EMG1: variants seen among roughly 807,000 people sequenced by gnomAD.
The protein encoded by EMG1 is EMG1 N1-specific pseudouridine methyltransferase.
In EMG1, 24 loss-of-function variants were observed where a neutral mutation model predicts 26.9. The ratio of observed to expected loss-of-function variants is 0.89; its 90% CI spans 0.65 to 1.26. The LOEUF is 1.26. EMG1 is among the 50% of genes most tolerant of loss of function. The pLI is 0.00. For synonymous variants in EMG1, 140 were observed against 112.6 expected, an observed-to-expected ratio of 1.24 and a Z score of -1.54; for missense variants, 299 against 307.6, an observed-to-expected ratio of 0.97 and a Z score of 0.21.
intron 7 of EMG1, among the ~76,000 whole-genome samples, chr12:6,996,424 A>G (rs782365667): frequency 6.6e-6 from 1 of 151,402 alleles, no homozygotes; most frequent in African/African-American, 2.4e-5. Context: ...TGCTTTTTCT[A>G]TTTTTCTTCT....
At chr12:6,994,623 C>T (rs1031131571) in intron 7 of EMG1, among the ~76,000 whole-genome samples, 3 of 151,924 alleles carry the variant, frequency 2.0e-5, no homozygotes, top group Non-Finnish European at 4.4e-5. Flanking sequence ...TGCACAGGAC[C>T]GGCTAATTTC....
chr12:6,972,054 G>T (rs868992136), intron 1 of EMG1, among the ~76,000 whole-genome samples: 1 of 147,996 alleles, frequency 6.8e-6, no homozygotes, highest in African/African-American at 2.5e-5. Context: ...TTTAATCTTC[G>T]TTCTAAATAC....
At position 6,978,485 on chromosome 12, in the gene EMG1, C is replaced by T. The variant is rs781925427; in HGVS notation, c.*2676C>T. On this transcript the variant is annotated 3_prime_UTR_variant, in exon 6 of 6. Transcript: ENST00000599672. ...TTCTTCAAAGCCATTGAAGCCCAGG[C>T]CCGTCAAAATGCATACTCCTTCCTG... The T allele has an allele frequency of 6.2e-7, 1 of 1,613,604 alleles. No individual in the cohort carries two copies. The highest frequency in any genetic ancestry group is 8.5e-7 in the Non-Finnish European group (1 of 1,179,628).
chr12:6,986,231 C>G (rs1946524741), intron 6 of EMG1, among the ~76,000 whole-genome samples: 1 of 152,168 alleles, frequency 6.6e-6, no homozygotes, highest in Non-Finnish European at 1.5e-5. Flanking sequence ...AGATGGCAAC[C>G]CTTTCTCTTT....
chr12:6,974,730 CAGT>C (rs1162818023), intron 3 of EMG1, 37 bp downstream of exon 3: 4 of 1,610,560 alleles, frequency 2.5e-6, no homozygotes, highest in Non-Finnish European at 3.4e-6. Context: ...ATGAACTTGT[CAGT>C]AGGGAAGAAG....
downstream of EMG1, chr12:6,981,600 C>G: frequency 6.2e-7 from 1 of 1,614,088 alleles, no homozygotes; most frequent in Non-Finnish European, 8.5e-7. Flanking sequence ...CTTACCTGAT[C>G]TTTCCCTCCG....
intron 1 of EMG1, among the ~76,000 whole-genome samples, chr12:6,971,460 C>G (rs782113062): frequency 1.4e-4 from 21 of 151,842 alleles, no homozygotes; most frequent in African/African-American, 5.1e-4. Flanking sequence ...ATTTTTAGTT[C>G]AGATGGGGTT....
rs1357177195 is a variant in EMG1, at chr12:6,986,585, C to A, written c.*155-1197C>A. ...GGATCACGAGGTCAGGAAATCGAGA[C>A]CATCCTGGCTAACATGGTGAAATTC... On this transcript the variant is annotated intron_variant and NMD_transcript_variant, in intron 6 of 7. Coordinates refer to the EMG1 transcript ENST00000261406. Among the ~76,000 whole-genome samples, 4 of 151,862 alleles carry A rather than the reference C, an allele frequency of 2.6e-5. No individual in the cohort carries two copies. In the South Asian group the frequency reaches 6.2e-4, roughly 24 times the overall value.
chr12:6,977,379 G>A lies in EMG1; in HGVS notation c.*1570G>A, dbSNP rs782767044. The A allele has an allele frequency of 8.1e-6, 13 of 1,614,186 alleles. No individual in the cohort carries two copies. Among genetic ancestry groups the A allele is most frequent in the Admixed American group, 1.7e-5 (1 of 60,016 alleles). On this transcript the variant is annotated 3_prime_UTR_variant, in exon 6 of 6. Transcript: ENST00000599672. This position sits in a 1 kb window ranked among gnomAD's most constrained non-coding sequence, Gnocchi z 4.5. ...GGCCTTCACTTGCCTTAAGCCATTT[G>A]TCCCACGTGAAGAGGCAGAAGGCAG...
chr12:6,991,279 A>G (rs1483325450), downstream of EMG1, among the ~76,000 whole-genome samples: 1 of 152,212 alleles, frequency 6.6e-6, no homozygotes, highest in Non-Finnish European at 1.5e-5. Flanking sequence ...AATTTTGGAT[A>G]TTCTTTAGCG....
intron 1 of EMG1, among the ~76,000 whole-genome samples, chr12:6,973,682 A>AC (rs1946359292): frequency 1.3e-5 from 2 of 151,996 alleles, no homozygotes; most frequent in Admixed American, 6.6e-5. Flanking sequence ...AGCTGGGACT[A>AC]CAGGCGCCTG....
At chr12:6,974,501 A>AGTGCTGCCTCTCTTCAGCCG (rs1397232417) in intron 2 of EMG1, 51 bp from the exon 3 acceptor site, 1 of 1,606,870 alleles carries the variant, frequency 6.2e-7, no homozygotes, top group Non-Finnish European at 8.5e-7. Context: ...TTGGCAGCTG[A>AGTGCTGCCTCTCTTCAGCCG]GTGCTGCCTC....
downstream of EMG1, among the ~76,000 whole-genome samples, chr12:6,980,335 G>A (rs1555153920): frequency 6.6e-6 from 1 of 151,676 alleles, no homozygotes; most frequent in East Asian, 1.9e-4. Context: ...GAGCCACTGT[G>A]CCCTCCTGCA....
At chr12:6,982,762 G>C, downstream of EMG1, 2 of 1,613,534 alleles carry the variant, frequency 1.2e-6, no homozygotes, top group Non-Finnish European at 1.7e-6. Flanking sequence ...ATACACAGCA[G>C]GGAGTGGTAG....
At chr12:6,982,722 A>G (rs139480947), downstream of EMG1, 73 of 1,614,134 alleles carry the variant, frequency 4.5e-5, no homozygotes, top group African/African-American at 8.5e-4. Context: ...GGTGCGGCCC[A>G]TTAGTCGAAG....
chr12:6,985,851 T>C (rs1420374989), intron 6 of EMG1, among the ~76,000 whole-genome samples: 5 of 149,520 alleles, frequency 3.3e-5, no homozygotes, highest in African/African-American at 1.2e-4. Context: ...GGCAGCTCAC[T>C]GCAACCTCCG....
downstream of EMG1, chr12:6,983,633 G>A (rs1316878521): frequency 1.3e-6 from 1 of 749,956 alleles, no homozygotes; most frequent in African/African-American, 1.8e-5. Context: ...GCAGCCCAGA[G>A]GGAGAGAGAA....
rs782441349 is a variant in EMG1, at chr12:6,975,131, C to A, written c.454C>A (p.Pro152Thr). ...HKLSVRAADG[P>T]QKLLKVIKNP... ...GCTCAGTGTTCGAGCAGCTGATGGCCCCCAGAAGCTTTTGAAGGTGAGGTA... is the reference window on the plus strand; with the variant it reads ...GCTCAGTGTTCGAGCAGCTGATGGCACCCAGAAGCTTTTGAAGGTGAGGTA... Residue 152 changes from proline to threonine, a missense_variant, in exon 4 of 6, where the codon CCC becomes ACC. Coordinates refer to ENST00000599672, the MANE Select transcript of EMG1 (RefSeq NM_006331.8). 6 of 1,613,886 alleles carry A rather than the reference C, an allele frequency of 3.7e-6. No homozygotes were observed. Among genetic ancestry groups the A allele is most frequent in the African/African-American group, 1.3e-5 (1 of 74,924 alleles).
rs782487773 is a variant in EMG1, at chr12:6,978,541, A to C, written c.*2732A>C. The C allele has an allele frequency of 3.7e-6, 6 of 1,611,438 alleles. No individual in the cohort carries two copies. The highest frequency in any genetic ancestry group is 5.1e-6 in the Non-Finnish European group (6 of 1,178,202). ...GAATAGCTCAGTTAGGGCTCTTGCC[A>C]CTCCCCATACTGGCCCCCATGGCTT... On this transcript the variant is annotated 3_prime_UTR_variant, in exon 6 of 6. Transcript: ENST00000599672.
Sources: gnomAD v4.1 joint callset for allele counts (sites outside exome capture counted in the v4.1 genomes callset) on GRCh38, gnomAD v4.1.1 for gene constraint, Gnocchi (gnomAD v3.1) non-coding constraint, MANE v1.5 for transcripts, NCBI Gene and HGNC (gene_info 2026-07-23, HGNC 2026-07-21) for gene names.